Variants in PHC3 observed in about 807,000 individuals in gnomAD.
The protein encoded by PHC3 is polyhomeotic-like protein 3.
In PHC3, 13 loss-of-function variants were observed where a neutral mutation model predicts 107.4. The ratio of observed to expected loss-of-function variants is 0.12; its 90% confidence interval spans 0.08 to 0.19. The LOEUF (loss-of-function observed/expected upper bound fraction) is 0.19, where lower values mean the gene tolerates loss of function less well. Among genes scored for constraint, PHC3 ranks in the 10% least tolerant of loss-of-function variants. The pLI is 1.00. For missense variants in PHC3, 992 were observed against 1,210.9 expected (o/e 0.82, Z 2.68); for synonymous variants, 456 against 427.4 (o/e 1.07, Z -0.83).
chr3:170,135,080 G>A (rs577305672), intron 7 of PHC3, among the ~76,000 whole-genome samples: 2 of 152,232 alleles, frequency 1.3e-5, no homozygotes, highest in East Asian at 1.9e-4. Context: ...GCAAAGCAGC[G>A]TTGTAAAAGG....
At chr3:170,137,763 G>A (rs1190391019) in intron 6 of PHC3, among the ~76,000 whole-genome samples, 1 of 152,192 alleles carries the variant, frequency 6.6e-6, no homozygotes, top group Non-Finnish European at 1.5e-5. Context: ...GCCAGGCGTG[G>A]TGGCACGCAC....
chr3:170,178,701 A>G, intron 2 of PHC3, 72 bp downstream of exon 2: 1 of 1,501,666 alleles, frequency 6.7e-7, no homozygotes, highest in South Asian at 1.1e-5. Flanking sequence ...GAAACAATAC[A>G]TAAATCCAGC....
Position 170,096,963 on chromosome 3 carries a change from C to A in PHC3, c.*267G>T, listed in dbSNP as rs1714711970. 1 of 282,132 alleles carries A rather than the reference C, an allele frequency of 3.5e-6. No homozygotes were observed. The highest frequency in any genetic ancestry group is 2.2e-5 in the African/African-American group (1 of 45,934). 17.5% of individuals were successfully genotyped at this position (282,132 alleles called of 1,614,324 possible). On this transcript the variant is annotated 3_prime_UTR_variant, in exon 15 of 15. Coordinates refer to ENST00000495893, the MANE Select transcript of PHC3 (RefSeq NM_024947.4). ...AAAAATTATCTAGTATAACACATTT[C>A]TTTGAAAAATATCATGGCCCTCTGT...
rs1393394633 is a variant in PHC3, at chr3:170,117,308, G to A, written c.2111C>T (p.Pro704Leu). The change falls in exon 10 of 15, where the codon CCT becomes CTT. Residue 704 changes from proline (P) to leucine (L), a missense_variant. By Grantham distance (98) the Pro-to-Leu change is moderately conservative. Coordinates refer to ENST00000495893, the MANE Select transcript of PHC3 (RefSeq NM_024947.4). Reference protein sequence around the residue: ...HSSIPSIENKPPQAIVKPQIL... With the variant: ...HSSIPSIENKLPQAIVKPQIL... ...CTGTGGTTTAACAATAGCCTGTGGA[G>A]GTTTGTTCTCTATACTGGGAATGCT... 1.2e-6 allele frequency: 2 copies of A among 1,613,766 alleles called. No individual in the cohort carries two copies. The highest frequency in any genetic ancestry group is 1.1e-5 in the South Asian group (1 of 91,084).
At position 170,181,711 on chromosome 3, in the gene PHC3, G is replaced by C. The variant is rs745339482; in HGVS notation, c.5C>G (p.Ala2Gly). Residue 2 changes from alanine (A) to glycine (G), a missense_variant, in exon 1 of 15, where the codon GCG becomes GGG. By Grantham distance (60) the Ala-to-Gly change is moderately conservative. Around this residue, in one of 6 missense-constraint regions of PHC3, gnomAD observed 161 missense variants for 183.7 expected, o/e 0.88. Coordinates refer to ENST00000495893, the MANE Select transcript of PHC3 (RefSeq NM_024947.4). M[A>G]EAEFKDHSTA... is the part of the protein sequence containing the mutation. ...CCATCTAGTCACTCACTCCGCTTCC[G>C]CCATCTTCTCTCCTCCATCACTAAC... The C allele has an allele frequency of 2.5e-6, 4 of 1,612,820 alleles. No homozygotes were observed. The highest frequency in any genetic ancestry group is 3.4e-6 in the Non-Finnish European group (4 of 1,179,768).
rs139288154 is a variant in PHC3 at position 170,140,216 on chromosome 3, T to C, written c.673-3551A>G. The stretch of plus-strand genomic sequence containing the variant: ...GCCTTACTGGGGAATACTCTTAGAA[T>C]TGAGGAAAAAAACAGCCCTTTGGAT... On this transcript the variant is annotated intron_variant, in intron 6 of 14. Transcript: ENST00000495893. 6.5e-3 allele frequency among the ~76,000 whole-genome samples: 976 copies of C among 149,362 alleles called. 32 individuals are homozygous for C. The highest frequency in any genetic ancestry group is 0.055 in the Admixed American group (828 of 15,072).
At chr3:170,122,019 G>A (rs1023516192) in intron 9 of PHC3, among the ~76,000 whole-genome samples, 1 of 151,908 alleles carries the variant, frequency 6.6e-6, no homozygotes, top group East Asian at 1.9e-4. Context: ...TTGGGAAGCC[G>A]AGGCAAGCGG....
intron 6 of PHC3, among the ~76,000 whole-genome samples, chr3:170,140,656 C>T (rs1277633424): frequency 4.7e-5 from 6 of 128,486 alleles, no homozygotes; most frequent in African/African-American, 1.2e-4. Context: ...TGTAGTGGTG[C>T]GATCTCGGCT....
rs189753657 is a variant in PHC3, at chr3:170,180,631, T to C, written c.14+1071A>G. 3.8e-3 allele frequency among the ~76,000 whole-genome samples: 572 copies of C among 150,740 alleles called. 19 individuals carry two copies. Among genetic ancestry groups the C allele is most frequent in the Admixed American group, 0.033 (502 of 15,056 alleles). ...AGCATCATATGGTAACTGTTCAACATTATACAGTATTAGTGGTAGGTAAGG... is the reference window on the plus strand; with the variant it reads ...AGCATCATATGGTAACTGTTCAACACTATACAGTATTAGTGGTAGGTAAGG... On this transcript the variant is annotated intron_variant, in intron 1 of 14. Transcript: ENST00000495893.
rs1443508029 is a variant in PHC3 at position 170,142,412 on chromosome 3, T to C, written c.672+3011A>G. Among the ~76,000 whole-genome samples the C allele has an allele frequency of 3.3e-5, 5 of 152,244 alleles. No homozygotes were observed. The East Asian group carries it at 9.6e-4, about 29-fold the overall frequency. On this transcript the variant is annotated intron_variant, in intron 6 of 14. Coordinates refer to ENST00000495893, the MANE Select transcript of PHC3 (RefSeq NM_024947.4). ...AAAATCAATCTGCTGGCAAATGTTG[T>C]TGCTGAAATCAGAATTTGAATCCAA...
At chr3:170,132,082 G>A (rs190733310) in intron 7 of PHC3, among the ~76,000 whole-genome samples, 1,850 of 151,822 alleles carry the variant, frequency 0.012, 38 homozygotes, top group African/African-American at 0.042. Context: ...AGTGCTCTGG[G>A]AAAAAAAATC....
chr3:170,130,699 T>A (rs184884230), intron 7 of PHC3, among the ~76,000 whole-genome samples: 2 of 152,276 alleles, frequency 1.3e-5, no homozygotes, highest in Admixed American at 6.5e-5. Context: ...CAGGAATAAA[T>A]ATATGTAAGA....
intron 8 of PHC3, among the ~76,000 whole-genome samples, chr3:170,124,680 C>T (rs1305652953): frequency 2.0e-5 from 3 of 152,160 alleles, no homozygotes; most frequent in African/African-American, 7.2e-5. Context: ...CAAATGTTAA[C>T]AAACAAACTT....
chr3:170,152,337 A>ATTT lies in PHC3; in HGVS notation c.415-3096_415-3094dup, dbSNP rs1220193435. 6.1e-3 allele frequency among the ~76,000 whole-genome samples: 750 copies of ATTT among 122,120 alleles called. 10 individuals are homozygous for ATTT. Among genetic ancestry groups the ATTT allele is most frequent in the African/African-American group, 0.022 (715 of 32,124 alleles). The allele number at this position is 122,120 out of a possible 152,430, so 80.1% of individuals were successfully genotyped here. A position where few individuals can be genotyped will look rare whatever the true frequency, so the allele number is the denominator to read the frequency against. On this transcript the variant is annotated intron_variant, in intron 4 of 14. Coordinates refer to ENST00000495893, the MANE Select transcript of PHC3 (RefSeq NM_024947.4). ...AGGCGCCCACCACCACGCCTGGCTA[A>ATTT]TTTTTTTTTTTTTTTTTTTTTTGTA...
chr3:170,129,449 C>G lies in PHC3; in HGVS notation c.1023G>C (p.Gln341His). 2.5e-6 allele frequency: 4 copies of G among 1,613,858 alleles called. No homozygotes were observed. Among genetic ancestry groups the G allele is most frequent in the Non-Finnish European group, 3.4e-6 (4 of 1,179,860 alleles). Reference protein sequence around the residue: ...KVSHHQLILQQQQQQIQPITL... With the variant: ...KVSHHQLILQHQQQQIQPITL... ...TGATTGGCTGAATTTGCTGTTGCTG[C>G]TGTTGTAATATCAGCTGATGATGGG... The change falls in exon 8 of 15, where the codon CAG (glutamine) becomes CAC (histidine). Residue 341 changes from glutamine to histidine, a missense_variant. This residue lies in a region of PHC3 where 543 missense variants were observed against 590.8 expected (regional missense o/e 0.92). Coordinates refer to ENST00000495893, the MANE Select transcript of PHC3 (RefSeq NM_024947.4).
intron 12 of PHC3, among the ~76,000 whole-genome samples, chr3:170,106,189 G>T (rs934201328): frequency 6.6e-6 from 1 of 152,060 alleles, no homozygotes. Context: ...TCCAGCCTGG[G>T]CTATAGAGTA....
At chr3:170,155,394 T>C (rs1295497337) in intron 4 of PHC3, among the ~76,000 whole-genome samples, 1 of 152,182 alleles carries the variant, frequency 6.6e-6, no homozygotes, top group Non-Finnish European at 1.5e-5. Flanking sequence ...CAAATGTCTG[T>C]GTGTGTATAT....
At chr3:170,180,472 A>C (rs1357890065) in intron 1 of PHC3, among the ~76,000 whole-genome samples, 3 of 152,108 alleles carry the variant, frequency 2.0e-5, no homozygotes, top group Admixed American at 6.6e-5. Flanking sequence ...AAAGAAAATA[A>C]GAGGAAAAGT....
rs1731481692 is a variant in PHC3, at chr3:170,181,721, C to T, written c.-6G>A. 1.2e-6 allele frequency: 2 copies of T among 1,612,872 alleles called. No homozygotes were observed. Among genetic ancestry groups the T allele is most frequent in the African/African-American group, 1.3e-5 (1 of 74,928 alleles). On this transcript the variant is annotated 5_prime_UTR_variant, in exon 1 of 15. Coordinates refer to ENST00000495893, the MANE Select transcript of PHC3 (RefSeq NM_024947.4). ...ACTCACTCCGCTTCCGCCATCTTCT[C>T]TCCTCCATCACTAACATGGGCTGCG... is the stretch of plus-strand genomic sequence containing the variant.
Sources: gnomAD v4.1 joint callset for allele counts (sites outside exome capture counted in the v4.1 genomes callset) on GRCh38, gnomAD v4.1.1 for gene constraint, gnomAD v4.1.1 regional missense constraint, MANE v1.5 for transcripts, NCBI Gene and HGNC (gene_info 2026-07-23, HGNC 2026-07-21) for gene names.